Variants in AGAP1 observed in about 807,000 individuals in gnomAD.
AGAP1 encodes ArfGAP with GTPase domain, ankyrin repeat and PH domain 1.
AGAP1 carries 29 observed loss-of-function variants against 105.3 expected under a neutral mutation model. The ratio of observed to expected loss-of-function variants is 0.28; its 90% CI spans 0.21 to 0.38. The LOEUF (loss-of-function observed/expected upper bound fraction) is 0.38, where lower values mean the gene tolerates loss of function less well. Ranked by LOEUF, AGAP1 falls within the 10% of genes least tolerant of loss-of-function variation. The probability of loss-of-function intolerance (pLI) is 1.00; values close to 1 mark genes in which losing one functional copy is unlikely to be tolerated. For synonymous variants in AGAP1, 509 were observed against 485.9 expected (o/e 1.05, Z -0.63); for missense variants, 998 against 1,165.1 (o/e 0.86, Z 2.09).
intron 9 of AGAP1, among the ~76,000 whole-genome samples, chr2:235,816,455 AAAG>A (rs1457102878): frequency 5.5e-5 from 8 of 145,354 alleles, no homozygotes; most frequent in African/African-American, 1.6e-4. Flanking sequence ...AAAAAAAAAA[AAAG>A]GAAAGAAAGA....
At chr2:235,946,325 A>C (rs761523222) in intron 12 of AGAP1, among the ~76,000 whole-genome samples, 11 of 132,488 alleles carry the variant, frequency 8.3e-5, no homozygotes, top group Non-Finnish European at 1.7e-4. Context: ...TTGTTCTGTC[A>C]GCCACGCTGG....
At chr2:235,730,477 TAAAAAAAAAAA>T (rs11388954) in intron 3 of AGAP1, among the ~76,000 whole-genome samples, 2 of 123,890 alleles carry the variant, frequency 1.6e-5, no homozygotes, top group African/African-American at 3.1e-5. Context: ...GTTTACCTTT[TAAAAAAAAAAA>T]AAAAAAAAAA....
rs535428442 is a variant in AGAP1 at position 235,967,492 on chromosome 2, C to T, written c.1484-970C>T. On this transcript the variant is annotated intron_variant, in intron 12 of 17. Transcript: ENST00000304032. The surrounding 1 kb of genome is among the most constrained non-coding windows in gnomAD (Gnocchi z 4.7). ...TCCCCATTGGGGCAGGAATGTTTAT[C>T]TGTTTCTCCTCGATCAATGATGGCT... 1.3e-5 allele frequency among the ~76,000 whole-genome samples: 2 copies of T among 152,294 alleles called. No homozygotes were observed. The highest frequency in any genetic ancestry group is 6.5e-5 in the Admixed American group (1 of 15,294).
chr2:235,583,501 C>G (rs1359503016), intron 1 of AGAP1, among the ~76,000 whole-genome samples: 2 of 151,756 alleles, frequency 1.3e-5, no homozygotes, highest in Non-Finnish European at 2.9e-5. Context: ...CAGCCTCATA[C>G]TCAGCCTCTC....
rs760208945 is a variant in AGAP1 at position 235,670,352 on chromosome 2, C to T, written c.164-38827C>T. ...GGAGGGCGCCGAGGAACCGGAGGGT[C>T]CCCGGCCGCGCGCTTGGGATTTCCG... On this transcript the variant is annotated intron_variant, in intron 1 of 17. Transcript: ENST00000304032. 18 of 520,904 alleles carry T rather than the reference C, an allele frequency of 3.5e-5. No individual in the cohort carries two copies. The East Asian group carries it at 5.9e-4, about 17-fold the overall frequency. 32.3% of individuals were successfully genotyped at this position (520,904 alleles called of 1,614,324 possible). A position where few individuals can be genotyped will look rare whatever the true frequency, so the allele number is the denominator to read the frequency against.
intron 9 of AGAP1, among the ~76,000 whole-genome samples, chr2:235,844,576 AC>A: frequency 6.6e-6 from 1 of 151,734 alleles, no homozygotes; most frequent in East Asian, 1.9e-4. Flanking sequence ...CATTAAACCC[AC>A]CCCCTGACCT....
chr2:235,687,092 C>T (rs757227188), intron 1 of AGAP1, among the ~76,000 whole-genome samples: 6 of 152,104 alleles, frequency 3.9e-5, no homozygotes, highest in Non-Finnish European at 7.4e-5. Flanking sequence ...ATCAGGTGGG[C>T]GGGAGCTGAT....
Position 235,553,047 on chromosome 2 carries a change from G to A in AGAP1, c.163+58198G>A, listed in dbSNP as rs142442673. ...AGCTCCCTAGCTGGGTGGTTCCTCT[G>A]AGCCTCTGCTTTATTTCATCTGCAA... On this transcript the variant is annotated intron_variant, in intron 1 of 17. Coordinates refer to ENST00000304032, the MANE Select transcript of AGAP1 (RefSeq NM_001037131.3). This position sits in a 1 kb window ranked among gnomAD's most constrained non-coding sequence, Gnocchi z 4.5. Among the ~76,000 whole-genome samples the A allele has an allele frequency of 1.1e-4, 17 of 152,324 alleles. No individual in the cohort carries two copies. The highest frequency in any genetic ancestry group is 3.8e-4 in the African/African-American group (16 of 41,574).
At chr2:235,648,712 A>C (rs1292603602) in intron 1 of AGAP1, among the ~76,000 whole-genome samples, 43 of 15,542 alleles carry the variant, frequency 2.8e-3, no homozygotes, top group African/African-American at 7.7e-3. Flanking sequence ...TCTCTACAAA[A>C]AAAAAAAAAA....
At chr2:235,497,094 A>G (rs770876988) in intron 1 of AGAP1, among the ~76,000 whole-genome samples, 3 of 152,230 alleles carry the variant, frequency 2.0e-5, no homozygotes, top group Non-Finnish European at 2.9e-5. Flanking sequence ...TTTTGCATGT[A>G]TAGTCTCATT....
rs1230225235 is a variant in AGAP1 at position 236,042,632 on chromosome 2, G to A, written c.1891+1791G>A. Reference sequence around the variant, plus strand: ...CGCTTTAAAAGGAAAGCCATCCGTGGCTTGCGGGGACCATGATACCTGGCA... The same window carrying A: ...CGCTTTAAAAGGAAAGCCATCCGTGACTTGCGGGGACCATGATACCTGGCA... On this transcript the variant is annotated intron_variant, in intron 15 of 17. Transcript: ENST00000304032. This position sits in a 1 kb window ranked among gnomAD's most constrained non-coding sequence, Gnocchi z 5.6. Among the ~76,000 whole-genome samples, 3 of 152,142 alleles carry A rather than the reference G, an allele frequency of 2.0e-5. No homozygotes were observed.
At position 235,597,492 on chromosome 2, in the gene AGAP1, C is replaced by CTAGTTGACCCTA. The variant is rs1945564508; in HGVS notation, c.163+102644_163+102655dup. Among the ~76,000 whole-genome samples the CTAGTTGACCCTA allele has an allele frequency of 2.6e-5, 4 of 152,216 alleles. No individual in the cohort carries two copies. In the South Asian group the frequency reaches 8.3e-4, roughly 32 times the overall value. The stretch of plus-strand genomic sequence containing the variant: ...TTTTCCCTGTCTCCTGAGCTTCAGA[C>CTAGTTGACCCTA]TAGTTGACCCTAAGGGGTGTCTCCA... On this transcript the variant is annotated intron_variant, in intron 1 of 17. Transcript: ENST00000304032.
chr2:235,579,812 GCAC>G (rs1226045860), intron 1 of AGAP1, among the ~76,000 whole-genome samples: 2 of 151,184 alleles, frequency 1.3e-5, no homozygotes, highest in Non-Finnish European at 2.9e-5. Flanking sequence ...CTTAGCGTAT[GCAC>G]CACATGGTGT....
At chr2:235,512,105 A>G (rs200597682) in intron 1 of AGAP1, among the ~76,000 whole-genome samples, 1 of 89,106 alleles carries the variant, frequency 1.1e-5, no homozygotes, top group African/African-American at 4.2e-5. Context: ...GTGTGTGTGA[A>G]TGTGTGTGTG....
chr2:235,706,417 T>C (rs1157266913), intron 1 of AGAP1, among the ~76,000 whole-genome samples: 3 of 151,516 alleles, frequency 2.0e-5, no homozygotes, highest in East Asian at 3.9e-4. Context: ...TTCAGTAGAG[T>C]TGGGGTTTCA....
chr2:235,926,056 C>T (rs1447541658), intron 11 of AGAP1, among the ~76,000 whole-genome samples: 1 of 152,170 alleles, frequency 6.6e-6, no homozygotes, highest in African/African-American at 2.4e-5. Context: ...TTCAAAACTC[C>T]TGTGTGGTAA....
intron 16 of AGAP1, among the ~76,000 whole-genome samples, chr2:236,086,795 G>A (rs1451690292): frequency 6.6e-6 from 1 of 151,926 alleles, no homozygotes; most frequent in Non-Finnish European, 1.5e-5. Context: ...CTTATTCATC[G>A]GCCTTATTTC....
At chr2:235,871,519 C>A (rs180776315) in intron 9 of AGAP1, among the ~76,000 whole-genome samples, 1 of 152,374 alleles carries the variant, frequency 6.6e-6, no homozygotes, top group East Asian at 1.9e-4. Context: ...GTCCTCACAA[C>A]TTCCACTCAT....
intron 17 of AGAP1, among the ~76,000 whole-genome samples, chr2:236,122,924 C>T (rs1219460669): frequency 1.3e-5 from 2 of 152,164 alleles, no homozygotes; most frequent in South Asian, 4.1e-4. Flanking sequence ...ACCTTGTGAT[C>T]CGCCCTCCTC....
Sources: gnomAD v4.1 joint callset for allele counts (sites outside exome capture counted in the v4.1 genomes callset) on GRCh38, gnomAD v4.1.1 for gene constraint, Gnocchi (gnomAD v3.1) non-coding constraint, MANE v1.5 for transcripts, NCBI Gene and HGNC (gene_info 2026-07-23, HGNC 2026-07-21) for gene names.